Variants in ZC3HAV1 observed in about 807,000 individuals in gnomAD.
ZC3HAV1 encodes zinc finger CCCH-type antiviral protein 1.
ZC3HAV1 carries 41 observed loss-of-function variants against 86.6 expected under a neutral mutation model. The ratio of observed to expected loss-of-function variants is 0.47; its 90% CI spans 0.37 to 0.61. The LOEUF (loss-of-function observed/expected upper bound fraction) is 0.61, where lower values mean the gene tolerates loss of function less well. ZC3HAV1 is among the 20% of genes least tolerant of loss of function. The pLI is 0.00. For missense variants in ZC3HAV1, 964 were observed against 1,141.1 expected (o/e 0.84, Z 2.24); for synonymous variants, 421 against 432.1 (o/e 0.97, Z 0.32).
intron 9 of ZC3HAV1, chr7:139,060,747 G>T (rs1281882357): frequency 4.0e-6 from 5 of 1,263,602 alleles, no homozygotes; most frequent in Non-Finnish European, 5.0e-6. Context: ...TAGGTGTACT[G>T]CATCAATCCA....
At chr7:139,058,782 T>A (rs995063872) in intron 9 of ZC3HAV1, among the ~76,000 whole-genome samples, 1 of 152,088 alleles carries the variant, frequency 6.6e-6, no homozygotes, top group East Asian at 1.9e-4. Context: ...CATATGGAAG[T>A]TCTTGAGATC....
chr7:139,054,289 T>G (rs534587585), intron 10 of ZC3HAV1, among the ~76,000 whole-genome samples, 194 bp from the exon 11 acceptor site: 1 of 152,310 alleles, frequency 6.6e-6, no homozygotes, highest in East Asian at 1.9e-4. Flanking sequence ...CGGGCCTGTC[T>G]GTCCAGGCCA....
intron 7 of ZC3HAV1, among the ~76,000 whole-genome samples, chr7:139,070,099 AT>A (rs3839657): frequency 0.29 from 42,793 of 148,400 alleles, 7,211 homozygotes; most frequent in African/African-American, 0.44. Flanking sequence ...ATTTTTCCTT[AT>A]TTTTTTTTTT....
chr7:139,100,879 CCCT>C (rs962817786), intron 1 of ZC3HAV1, among the ~76,000 whole-genome samples: 1 of 152,104 alleles, frequency 6.6e-6, no homozygotes, highest in African/African-American at 2.4e-5. Flanking sequence ...TCCACCGTCT[CCCT>C]CTGATGCGGA....
At chr7:139,093,707 C>A (rs1817498376) in intron 1 of ZC3HAV1, among the ~76,000 whole-genome samples, 1 of 152,186 alleles carries the variant, frequency 6.6e-6, no homozygotes, top group Non-Finnish European at 1.5e-5. Context: ...ACCCTCATCT[C>A]CCTTCGCTGA....
At chr7:139,065,828 C>CG (rs1554441176) in intron 7 of ZC3HAV1, among the ~76,000 whole-genome samples, 3 of 151,982 alleles carry the variant, frequency 2.0e-5, no homozygotes. Context: ...CGCTTAAACT[C>CG]GGGGGGCGGA....
chr7:139,073,006 T>C (rs1265021543), intron 7 of ZC3HAV1, among the ~76,000 whole-genome samples: 1 of 152,038 alleles, frequency 6.6e-6, no homozygotes, highest in Non-Finnish European at 1.5e-5. Flanking sequence ...TAAAAATAAT[T>C]AATATATGGC....
rs1212675178 is a variant in ZC3HAV1, at chr7:139,057,782, C to T, written c.2097-2487G>A. On this transcript the variant is annotated intron_variant, in intron 9 of 12. Coordinates refer to ENST00000242351, the MANE Select transcript of ZC3HAV1 (RefSeq NM_020119.4). ...GTCTCGATCTCCTGACCTCGTGATC[C>T]GCCCACCTCAGCCTCCCACAGTGCT... Among the ~76,000 whole-genome samples, 2 of 21,992 alleles carry T rather than the reference C, an allele frequency of 9.1e-5. 1 individual carries two copies. Among genetic ancestry groups the T allele is most frequent in the Admixed American group, 7.5e-4 (2 of 2,668 alleles). The allele number at this position is 21,992 out of a possible 152,430, so 14.4% of individuals were successfully genotyped here. A position where few individuals can be genotyped will look rare whatever the true frequency, so the allele number is the denominator to read the frequency against.
At chr7:139,100,521 G>A (rs763159454) in intron 1 of ZC3HAV1, among the ~76,000 whole-genome samples, 4 of 151,588 alleles carry the variant, frequency 2.6e-5, no homozygotes, top group Admixed American at 6.6e-5. Context: ...GCGACAGACC[G>A]AGGCTCTGTC....
At chr7:139,058,145 A>G (rs1816340207) in intron 9 of ZC3HAV1, among the ~76,000 whole-genome samples, 1 of 148,398 alleles carries the variant, frequency 6.7e-6, no homozygotes, top group Admixed American at 6.7e-5. Flanking sequence ...GGTTCTCTGC[A>G]TGACCCACCC....
chr7:139,060,571 TG>T, intron 9 of ZC3HAV1: 1 of 1,003,440 alleles, frequency 1.0e-6, no homozygotes, highest in South Asian at 4.1e-5. Flanking sequence ...CCAGGCACGG[TG>T]GCTCATGCCT....
intron 9 of ZC3HAV1, among the ~76,000 whole-genome samples, chr7:139,056,936 A>G (rs1310735332): frequency 6.6e-5 from 10 of 152,236 alleles, no homozygotes; most frequent in Admixed American, 6.5e-4. Context: ...ACTTTGTTAC[A>G]TAGGTTAATG....
intron 10 of ZC3HAV1, among the ~76,000 whole-genome samples, chr7:139,054,709 G>A (rs1816231686): frequency 6.6e-6 from 1 of 152,194 alleles, no homozygotes; most frequent in South Asian, 2.1e-4. Flanking sequence ...TAGCAGTTAG[G>A]TGATCTCTGG....
At chr7:139,062,227 CCACACA>C (rs10547164) in intron 8 of ZC3HAV1, among the ~76,000 whole-genome samples, 2 of 148,808 alleles carry the variant, frequency 1.3e-5, no homozygotes, top group Non-Finnish European at 3.0e-5. Context: ...CAAACATAAA[CCACACA>C]CACACACACA....
intron 1 of ZC3HAV1, 100 bp from the exon 2 acceptor site, chr7:139,089,859 A>T: frequency 7.8e-7 from 1 of 1,288,686 alleles, no homozygotes; most frequent in Non-Finnish European, 1.0e-6. Context: ...CCGTGCCCAT[A>T]TTCTCTGACA....
At chr7:139,090,268 A>G (rs955979216) in intron 1 of ZC3HAV1, among the ~76,000 whole-genome samples, 5 of 152,016 alleles carry the variant, frequency 3.3e-5, no homozygotes, top group Non-Finnish European at 7.4e-5. Context: ...GTAATTTTTC[A>G]TATCATTGGC....
chr7:139,106,630 T>A (rs1394154755), intron 1 of ZC3HAV1, among the ~76,000 whole-genome samples: 2 of 152,132 alleles, frequency 1.3e-5, no homozygotes, highest in African/African-American at 4.8e-5. Flanking sequence ...AATCTTTTTT[T>A]AAAAGGATTA....
intron 1 of ZC3HAV1, among the ~76,000 whole-genome samples, chr7:139,097,419 TA>T (rs1563140616): frequency 9.6e-5 from 8 of 83,122 alleles, no homozygotes; most frequent in East Asian, 3.7e-4. Flanking sequence ...TATATATATA[TA>T]TATATATATT....
rs755060863 is a variant in ZC3HAV1, at chr7:139,109,258, G to A, written c.74C>T (p.Ala25Val). 6.2e-7 allele frequency: 1 copy of A among 1,612,058 alleles called. No homozygotes were observed. Among genetic ancestry groups the A allele is most frequent in the Non-Finnish European group, 8.5e-7 (1 of 1,179,484 alleles). Residue 25 changes from alanine to valine, a missense_variant, in exon 1 of 13, where the codon GCG (alanine) becomes GTG (valine). Physicochemically the swap from Ala to Val is moderately conservative, Grantham distance 64 (BLOSUM62 0). Coordinates refer to ENST00000242351, the MANE Select transcript of ZC3HAV1 (RefSeq NM_020119.4). The stretch of plus-strand genomic sequence containing the variant: ...AGACAGCGCGATCTCCTGGAGCAGC[G>A]CGTCCAGGGCCATGCGGCCCCCGTG... ...CAHGGRMALD[A>V]LLQEIALSEP...
Sources: allele counts gnomAD v4.1 joint callset (sites outside exome capture counted in the v4.1 genomes callset), GRCh38; gene constraint gnomAD v4.1.1; transcripts MANE v1.5; gene names NCBI Gene and HGNC (gene_info 2026-07-23, HGNC 2026-07-21).